Variants in BTBD7 observed in about 807,000 individuals in gnomAD.
The protein encoded by BTBD7 is BTB domain containing 7, also known as BTB/POZ domain-containing protein 7.
BTBD7 carries 38 observed loss-of-function variants against 99.9 expected under a neutral mutation model. The ratio of observed to expected loss-of-function variants is 0.38; its 90% CI spans 0.29 to 0.50. BTBD7 has a LOEUF of 0.50. Ranked by LOEUF, BTBD7 falls within the 20% of genes least tolerant of loss-of-function variation. The pLI is 0.93. For synonymous variants in BTBD7, 520 were observed against 511.4 expected (o/e 1.02, Z -0.23); for missense variants, 1,170 against 1,394.6 (o/e 0.84, Z 2.57).
In BTBD7 at chr14:93,291,390, C is replaced by T. The variant is rs963686243; in HGVS notation, c.1162+2468G>A. Among the ~76,000 whole-genome samples, 6 of 152,060 alleles carry T rather than the reference C, an allele frequency of 3.9e-5. 1 individual carries two copies. The highest frequency in any genetic ancestry group is 5.9e-5 in the Non-Finnish European group (4 of 68,004). On this transcript the variant is annotated intron_variant, in intron 3 of 10. Transcript: ENST00000334746. Reference sequence around the variant, plus strand: ...ACTTGGTTAAGGTCAAACTAAGACACGGTAGAGAACTGAAACCCAGTCTGT... The same window carrying T: ...ACTTGGTTAAGGTCAAACTAAGACATGGTAGAGAACTGAAACCCAGTCTGT...
Position 93,242,505 on chromosome 14 carries a change from C to T in BTBD7, c.3167G>A (p.Gly1056Glu), listed in dbSNP as rs768644384. 6.2e-6 allele frequency: 10 copies of T among 1,614,098 alleles called. No individual in the cohort carries two copies. The highest frequency in any genetic ancestry group is 1.7e-5 in the Admixed American group (1 of 60,000). The change falls in exon 11 of 11, where the codon GGA (glycine) becomes GAA (glutamate). Residue 1056 changes from glycine to glutamate, a missense_variant. Coordinates refer to ENST00000334746, the MANE Select transcript of BTBD7 (RefSeq NM_001002860.4). ...CAAGTCAGTTTCTACTGCAGTTCGT[C>T]CCCTGACATGGGCTGGACCGGTACT... ...NASTGPAHVR[G>E]RTAVETDLTF...
intron 7 of BTBD7, among the ~76,000 whole-genome samples, chr14:93,253,322 C>T (rs2052389320): frequency 6.6e-6 from 1 of 152,090 alleles, no homozygotes; most frequent in South Asian, 2.1e-4. Flanking sequence ...AGAACATTTC[C>T]CTCATGCTCA....
intron 1 of BTBD7, among the ~76,000 whole-genome samples, chr14:93,328,121 CACA>C: frequency 6.6e-6 from 1 of 152,196 alleles, no homozygotes. Flanking sequence ...GAAATAAAGA[CACA>C]AATAAATGGA....
intron 9 of BTBD7, among the ~76,000 whole-genome samples, chr14:93,247,244 T>A (rs1401011626): frequency 6.6e-6 from 1 of 152,210 alleles, no homozygotes; most frequent in African/African-American, 2.4e-5. Flanking sequence ...CCCAGGCTAG[T>A]CTTAAACTCT....
At chr14:93,301,894 G>T (rs1369789344) in intron 1 of BTBD7, among the ~76,000 whole-genome samples, 1 of 152,202 alleles carries the variant, frequency 6.6e-6, no homozygotes, top group Non-Finnish European at 1.5e-5. Flanking sequence ...TACTGTGCTA[G>T]AGCGCAAGGG....
intron 1 of BTBD7, among the ~76,000 whole-genome samples, chr14:93,301,487 G>C (rs2053004121): frequency 6.6e-6 from 1 of 150,944 alleles, no homozygotes; most frequent in African/African-American, 2.4e-5. Flanking sequence ...ACCGTGCCCA[G>C]CCAAAAAATA....
rs1019225472 is a variant in BTBD7, at chr14:93,238,699, T to A, written c.*3574A>T. ...TGAAAATATATATTTTGCCGGGTAG[T>A]TACTGAGAAATGTCAATCCTTTCAA... On this transcript the variant is annotated 3_prime_UTR_variant, in exon 11 of 11. Coordinates refer to ENST00000334746, the MANE Select transcript of BTBD7 (RefSeq NM_001002860.4). 3 of 152,244 alleles carry A rather than the reference T, an allele frequency of 2.0e-5. No individual in the cohort carries two copies. Among genetic ancestry groups the A allele is most frequent in the African/African-American group, 4.8e-5 (2 of 41,464 alleles). The allele number at this position is 152,244 out of a possible 1,614,324, so 9.4% of individuals were successfully genotyped here. A position where few individuals can be genotyped will look rare whatever the true frequency, so the allele number is the denominator to read the frequency against.
Position 93,242,216 on chromosome 14 carries a change from T to C in BTBD7, c.*57A>G. The C allele has an allele frequency of 6.6e-7, 1 of 1,505,182 alleles. No individual in the cohort carries two copies. 93.2% of individuals were successfully genotyped at this position (1,505,182 alleles called of 1,614,324 possible). A position where few individuals can be genotyped will look rare whatever the true frequency, so the allele number is the denominator to read the frequency against. Reference sequence around the variant, plus strand: ...ATGAACTGGTCTGTAAGTTGTTGGGTTACATCATAAAATGGGATGTTTCAC... The same window carrying C: ...ATGAACTGGTCTGTAAGTTGTTGGGCTACATCATAAAATGGGATGTTTCAC... On this transcript the variant is annotated 3_prime_UTR_variant, in exon 11 of 11. Coordinates refer to ENST00000334746, the MANE Select transcript of BTBD7 (RefSeq NM_001002860.4).
intron 1 of BTBD7, among the ~76,000 whole-genome samples, chr14:93,297,065 C>T (rs1366332502): frequency 6.6e-6 from 1 of 152,114 alleles, no homozygotes; most frequent in Non-Finnish European, 1.5e-5. Flanking sequence ...AGAGAAAACG[C>T]CATTTAAAAT....
In BTBD7 at chr14:93,257,288, G is replaced by A; in HGVS notation, c.1515C>T (p.Asp505=). Residue 505 remains aspartate, a synonymous_variant, in exon 6 of 11, where the codon GAC becomes GAT. Coordinates refer to ENST00000334746, the MANE Select transcript of BTBD7 (RefSeq NM_001002860.4). ...NKRGVKRRDL[D]MEELREILSS... ...AAAGGATCTCTCTGAGCTCTTCCAT[G>A]TCCAGGTCCCGTCTTTTTACACCTC... The A allele has an allele frequency of 1.2e-6, 2 of 1,614,118 alleles. No individual in the cohort carries two copies. The highest frequency in any genetic ancestry group is 1.1e-5 in the South Asian group (1 of 91,072).
intron 2 of BTBD7, 99 bp downstream of exon 2, chr14:93,295,869 AAT>A: frequency 9.5e-7 from 1 of 1,055,238 alleles, no homozygotes; most frequent in South Asian, 1.6e-5. Flanking sequence ...GAATTATTAT[AAT>A]AACTACAGCT....
At chr14:93,315,951 CTTTTT>C (rs35850952) in intron 1 of BTBD7, among the ~76,000 whole-genome samples, 1 of 124,870 alleles carries the variant, frequency 8.0e-6, no homozygotes, top group Non-Finnish European at 1.7e-5. Context: ...CAAAATGTAT[CTTTTT>C]TTTTTTTTTT....
At chr14:93,311,051 A>AT (rs1470809824) in intron 1 of BTBD7, among the ~76,000 whole-genome samples, 1 of 152,150 alleles carries the variant, frequency 6.6e-6, no homozygotes, top group African/African-American at 2.4e-5. Flanking sequence ...TAAATGAGTA[A>AT]TTTTTTACTT....
chr14:93,280,412 A>G (rs1320661694), intron 3 of BTBD7, among the ~76,000 whole-genome samples: 1 of 152,174 alleles, frequency 6.6e-6, no homozygotes, highest in African/African-American at 2.4e-5. Flanking sequence ...CACTTCAGAA[A>G]AGGCTATTAT....
Position 93,273,079 on chromosome 14 carries a change from T to G in BTBD7, c.1163-9086A>C, listed in dbSNP as rs1566844325. 1.3e-5 allele frequency among the ~76,000 whole-genome samples: 2 copies of G among 152,154 alleles called. 1 individual carries two copies. Among genetic ancestry groups the G allele is most frequent in the East Asian group, 3.9e-4 (2 of 5,190 alleles). The stretch of plus-strand genomic sequence containing the variant: ...TAGAAAACAAGGTTCTTGAATGAGA[T>G]TCTAGATCTACCTTACTCACTGACC... On this transcript the variant is annotated intron_variant, in intron 3 of 10. Coordinates refer to ENST00000334746, the MANE Select transcript of BTBD7 (RefSeq NM_001002860.4).
At chr14:93,260,239 G>A (rs537623592) in intron 5 of BTBD7, among the ~76,000 whole-genome samples, 7 of 152,118 alleles carry the variant, frequency 4.6e-5, no homozygotes, top group African/African-American at 1.4e-4. Context: ...ACTTCAAACC[G>A]GTGAACTTTA....
In BTBD7 at chr14:93,240,518, CGAGT is replaced by C. The variant is rs1462262466; in HGVS notation, c.*1751_*1754del. On this transcript the variant is annotated 3_prime_UTR_variant, in exon 11 of 11. Coordinates refer to ENST00000334746, the MANE Select transcript of BTBD7 (RefSeq NM_001002860.4). ...ACGCTCCCTAGCCCTGCATAGTTTT[CGAGT>C]GAGTGTGAGTGATTCATAGTTTTTT... The C allele has an allele frequency of 6.6e-6, 1 of 152,546 alleles. No homozygotes were observed. Among genetic ancestry groups the C allele is most frequent in the African/African-American group, 2.4e-5 (1 of 41,402 alleles). The allele number at this position is 152,546 out of a possible 1,614,324, so 9.4% of individuals were successfully genotyped here.
At position 93,240,664 on chromosome 14, in the gene BTBD7, A is replaced by C. The variant is rs750302390; in HGVS notation, c.*1609T>G. 2.0e-5 allele frequency: 3 copies of C among 152,632 alleles called. No individual in the cohort carries two copies. The highest frequency in any genetic ancestry group is 2.9e-5 in the Non-Finnish European group (2 of 68,038). 9.5% of individuals were successfully genotyped at this position (152,632 alleles called of 1,614,324 possible). On this transcript the variant is annotated 3_prime_UTR_variant, in exon 11 of 11. Coordinates refer to ENST00000334746, the MANE Select transcript of BTBD7 (RefSeq NM_001002860.4). Reference sequence around the variant, plus strand: ...TGTGTTTATGTGTTTGTAAAAATACAAAGTAAATGCTCAAATAATGTTGAA... The same window carrying C: ...TGTGTTTATGTGTTTGTAAAAATACCAAGTAAATGCTCAAATAATGTTGAA...
chr14:93,294,412 T>C lies in BTBD7; in HGVS notation c.608A>G (p.Tyr203Cys). Residue 203 changes from tyrosine to cysteine, a missense_variant, in exon 3 of 11, where the codon TAT becomes TGT. By Grantham distance (194) the Tyr-to-Cys change is radical. This residue lies in a region of BTBD7 where 359 missense variants were observed against 497.9 expected (regional missense o/e 0.72). Coordinates refer to ENST00000334746, the MANE Select transcript of BTBD7 (RefSeq NM_001002860.4). ...GTCCTCCATTCCAAACTCTCCTGTA[T>C]AAAGGTAGTGTAACAAAGCAGAAAA... ...PMFSALLHYLYTGEFGMEDSR... is the reference protein window; with the variant it reads ...PMFSALLHYLCTGEFGMEDSR... The C allele has an allele frequency of 6.2e-7, 1 of 1,614,096 alleles. No homozygotes were observed. The highest frequency in any genetic ancestry group is 8.5e-7 in the Non-Finnish European group (1 of 1,180,018).
Sources: gnomAD v4.1 joint callset for allele counts (sites outside exome capture counted in the v4.1 genomes callset) on GRCh38, gnomAD v4.1.1 for gene constraint, gnomAD v4.1.1 regional missense constraint, MANE v1.5 for transcripts, NCBI Gene and HGNC (gene_info 2026-07-23, HGNC 2026-07-21) for gene names.